MAPKAP1: variants seen among roughly 807,000 people sequenced by gnomAD.
The protein encoded by MAPKAP1 is target of rapamycin complex 2 subunit MAPKAP1.
Under a neutral mutation model 65.7 loss-of-function variants are expected in MAPKAP1, and 20 were observed. The observed-to-expected ratio is 0.30, with a 90% CI of 0.21 to 0.44. The LOEUF is 0.44. Ranked by LOEUF, MAPKAP1 falls within the 20% of genes least tolerant of loss-of-function variation. The probability of loss-of-function intolerance (pLI) is 1.00; values close to 1 mark genes in which losing one functional copy is unlikely to be tolerated. For synonymous variants in MAPKAP1, 222 were observed against 244.3 expected, an observed-to-expected ratio of 0.91 and a Z score of 0.85; for missense variants, 423 against 648.0, an observed-to-expected ratio of 0.65 and a Z score of 3.77.
chr9:125,564,671 G>T (rs1830994926), intron 5 of MAPKAP1, among the ~76,000 whole-genome samples: 1 of 152,148 alleles, frequency 6.6e-6, no homozygotes, highest in Admixed American at 6.5e-5. Flanking sequence ...CTGCATAAGG[G>T]TCTTGTAAGG....
chr9:125,513,682 GC>G (rs1197609302), intron 7 of MAPKAP1, among the ~76,000 whole-genome samples: 4 of 152,178 alleles, frequency 2.6e-5, no homozygotes, highest in Non-Finnish European at 5.9e-5. Context: ...TGCTATTATT[GC>G]AAATACAGAC....
intron 7 of MAPKAP1, among the ~76,000 whole-genome samples, chr9:125,526,776 TTTC>T: frequency 6.6e-6 from 1 of 151,600 alleles, no homozygotes; most frequent in Admixed American, 6.6e-5. Flanking sequence ...AGTTTTCTTT[TTTC>T]TTTTTTCTTT....
At chr9:125,654,851 T>C (rs1286684616) in intron 4 of MAPKAP1, among the ~76,000 whole-genome samples, 2 of 152,270 alleles carry the variant, frequency 1.3e-5, no homozygotes, top group African/African-American at 2.4e-5. Flanking sequence ...CTAACACTAG[T>C]TTAATCTTAA....
intron 1 of MAPKAP1, among the ~76,000 whole-genome samples, chr9:125,673,895 T>C (rs1201186059): frequency 4.6e-5 from 7 of 152,100 alleles, no homozygotes; most frequent in East Asian, 1.9e-4. Flanking sequence ...TGAGCTATGA[T>C]TGCACCATTG....
intron 4 of MAPKAP1, among the ~76,000 whole-genome samples, chr9:125,627,578 C>T (rs1833151209): frequency 6.6e-6 from 1 of 152,106 alleles, no homozygotes. Context: ...CCTGCCAGCA[C>T]ACTTCACCTA....
intron 10 of MAPKAP1, among the ~76,000 whole-genome samples, chr9:125,465,747 A>G (rs925473): frequency 0.29 from 44,320 of 152,040 alleles, 7,814 homozygotes; most frequent in Middle Eastern, 0.4. Context: ...TGGGCCTCCA[A>G]TGGATAAATA....
At chr9:125,446,139 ATCT>A (rs1362869566) in intron 10 of MAPKAP1, among the ~76,000 whole-genome samples, 4 of 152,138 alleles carry the variant, frequency 2.6e-5, no homozygotes, top group African/African-American at 9.7e-5. Flanking sequence ...TCCTGGAGAA[ATCT>A]TCTTGGGGAC....
At chr9:125,597,466 C>A (rs950572287) in intron 4 of MAPKAP1, among the ~76,000 whole-genome samples, 6 of 152,068 alleles carry the variant, frequency 3.9e-5, no homozygotes, top group Admixed American at 2.0e-4. Context: ...AAGAAATATC[C>A]ATATCAAGTG....
At chr9:125,530,629 A>T (rs1409525067) in intron 7 of MAPKAP1, among the ~76,000 whole-genome samples, 2 of 152,238 alleles carry the variant, frequency 1.3e-5, no homozygotes, top group East Asian at 3.8e-4. Context: ...TGGTTCACTT[A>T]TTAGTAAAAA....
At chr9:125,554,481 A>G (rs1199076653) in intron 6 of MAPKAP1, among the ~76,000 whole-genome samples, 1 of 152,198 alleles carries the variant, frequency 6.6e-6, no homozygotes, top group African/African-American at 2.4e-5. Flanking sequence ...TACTAACAGA[A>G]AGCGTGGTGG....
chr9:125,494,549 A>G (rs1854865683), intron 8 of MAPKAP1, among the ~76,000 whole-genome samples: 1 of 152,220 alleles, frequency 6.6e-6, no homozygotes, highest in Non-Finnish European at 1.5e-5. Context: ...AGAAAGAAAC[A>G]GTTTCAGGTT....
At position 125,705,307 on chromosome 9, in the gene MAPKAP1, T is replaced by C. The variant is rs371073415; in HGVS notation, c.-70+1664A>G. Among the ~76,000 whole-genome samples the C allele has an allele frequency of 1.2e-4, 18 of 152,340 alleles. No homozygotes were observed. In the South Asian group the frequency reaches 1.7e-3, roughly 14 times the overall value. ...CTCCTACCAGCTGTGTAATTTATTA[T>C]GGGTCTTCCTAATCTGTAAATTGAG... On this transcript the variant is annotated intron_variant, in intron 1 of 11. Coordinates refer to ENST00000265960, the MANE Select transcript of MAPKAP1 (RefSeq NM_001006617.3).
rs199840663 is a variant in MAPKAP1, at chr9:125,534,322, TTGC to T, written c.958+8734_958+8736del. On this transcript the variant is annotated intron_variant, in intron 7 of 11. Transcript: ENST00000265960. Reference sequence around the variant, plus strand: ...TTTACTTCACACATCTCTAAAATGTTTGCTTCTTCCCCAACAAGTATTTAATTT... The same window carrying T: ...TTTACTTCACACATCTCTAAAATGTTTTCTTCCCCAACAAGTATTTAATTT... 7.4e-3 allele frequency among the ~76,000 whole-genome samples: 1,125 copies of T among 152,350 alleles called. 18 individuals carry two copies. Among genetic ancestry groups the T allele is most frequent in the African/African-American group, 0.025 (1,048 of 41,568 alleles).
intron 7 of MAPKAP1, among the ~76,000 whole-genome samples, chr9:125,534,943 G>C (rs1830032338): frequency 6.6e-6 from 1 of 152,108 alleles, no homozygotes; most frequent in African/African-American, 2.4e-5. Context: ...TATTATAATT[G>C]CCTGCTTATC....
chr9:125,504,212 T>C (rs1394445684), intron 8 of MAPKAP1, among the ~76,000 whole-genome samples: 2 of 152,214 alleles, frequency 1.3e-5, no homozygotes, highest in East Asian at 3.8e-4. Flanking sequence ...ATTTTATATG[T>C]GGCTCTAAAA....
At chr9:125,455,810 T>C (rs1228814670) in intron 10 of MAPKAP1, among the ~76,000 whole-genome samples, 4 of 152,268 alleles carry the variant, frequency 2.6e-5, no homozygotes, top group East Asian at 1.9e-4. Flanking sequence ...CTTCCCTTTT[T>C]CTTGGTTCAT....
intron 4 of MAPKAP1, among the ~76,000 whole-genome samples, chr9:125,642,875 C>A (rs954364012): frequency 6.6e-6 from 1 of 152,090 alleles, no homozygotes; most frequent in East Asian, 1.9e-4. Flanking sequence ...CTACTGGTAT[C>A]AATTTTAACA....
chr9:125,652,059 T>C (rs756021534), intron 4 of MAPKAP1: 19 of 1,189,518 alleles, frequency 1.6e-5, no homozygotes, highest in African/African-American at 4.7e-5. Flanking sequence ...CAAGTTCAGA[T>C]GAGGTGCCTT....
chr9:125,626,913 T>G (rs1453213420), intron 4 of MAPKAP1, among the ~76,000 whole-genome samples: 1 of 152,238 alleles, frequency 6.6e-6, no homozygotes, highest in African/African-American at 2.4e-5. Context: ...TGTATCTAAT[T>G]TAATTATCAG....
Sources: gnomAD v4.1 joint callset for allele counts (sites outside exome capture counted in the v4.1 genomes callset) on GRCh38, gnomAD v4.1.1 for gene constraint, MANE v1.5 for transcripts, NCBI Gene and HGNC (gene_info 2026-07-23, HGNC 2026-07-21) for gene names.